Variants in NPSR1 observed in about 807,000 individuals in gnomAD.
NPSR1 encodes the protein neuropeptide S receptor.
In NPSR1, 48 loss-of-function variants were observed where a neutral mutation model predicts 46.9. That is an observed-to-expected ratio of 1.02 (90% CI 0.81 to 1.30). The LOEUF (loss-of-function observed/expected upper bound fraction) is 1.30, where lower values mean the gene tolerates loss of function less well. Ranked by LOEUF, NPSR1 falls within the 50% of genes most tolerant of loss-of-function variation. NPSR1 has a pLI of 0.00. For missense variants in NPSR1, 450 were observed against 449.5 expected, an observed-to-expected ratio of 1.00 and a Z score of -0.01; for synonymous variants, 176 against 168.1, an observed-to-expected ratio of 1.05 and a Z score of -0.36.
chr7:34,691,431 T>G (rs1793245950), intron 2 of NPSR1, among the ~76,000 whole-genome samples: 1 of 152,018 alleles, frequency 6.6e-6, no homozygotes, highest in Admixed American at 6.6e-5. Flanking sequence ...GAAAATTGGA[T>G]TAAAAAGAGA....
At chr7:34,695,952 G>T (rs1371493793) in intron 2 of NPSR1, among the ~76,000 whole-genome samples, 1 of 151,816 alleles carries the variant, frequency 6.6e-6, no homozygotes, top group Admixed American at 6.6e-5. Flanking sequence ...TCACTACTGA[G>T]TATCTACCCA....
At chr7:34,672,954 T>C (rs1792130403) in intron 1 of NPSR1, among the ~76,000 whole-genome samples, 1 of 152,220 alleles carries the variant, frequency 6.6e-6, no homozygotes, top group Non-Finnish European at 1.5e-5. Flanking sequence ...CTTTCTCTGC[T>C]GTTACTACCT....
intron 8 of NPSR1, among the ~76,000 whole-genome samples, chr7:34,867,566 C>A (rs1791340988): frequency 6.6e-6 from 1 of 151,898 alleles, no homozygotes; most frequent in African/African-American, 2.4e-5. Flanking sequence ...CATCCAAGTC[C>A]CCGTGACTCA....
At chr7:34,835,952 G>T (rs556572474) in intron 6 of NPSR1, among the ~76,000 whole-genome samples, 2 of 152,162 alleles carry the variant, frequency 1.3e-5, no homozygotes, top group African/African-American at 4.8e-5. Flanking sequence ...AGCTCTTCAG[G>T]CATTTTTAAT....
At chr7:34,689,721 T>C (rs1793148622) in intron 2 of NPSR1, among the ~76,000 whole-genome samples, 1 of 146,230 alleles carries the variant, frequency 6.8e-6, no homozygotes, top group African/African-American at 2.5e-5. Flanking sequence ...GGCCGGCAAA[T>C]CACTTGAGCT....
At chr7:34,779,125 T>C (rs887118092) in intron 3 of NPSR1, among the ~76,000 whole-genome samples, 3 of 152,110 alleles carry the variant, frequency 2.0e-5, no homozygotes, top group Non-Finnish European at 4.4e-5. Context: ...ATTAAAGATA[T>C]TGATGCTTCA....
chr7:34,716,335 GC>G (rs1424832471), intron 2 of NPSR1, among the ~76,000 whole-genome samples: 2 of 152,154 alleles, frequency 1.3e-5, no homozygotes, highest in Non-Finnish European at 2.9e-5. Context: ...TATACTTGGT[GC>G]CATGGAAAAA....
At chr7:34,761,558 A>AT (rs1020391736) in intron 2 of NPSR1, among the ~76,000 whole-genome samples, 4 of 152,020 alleles carry the variant, frequency 2.6e-5, no homozygotes, top group African/African-American at 9.7e-5. Context: ...AGAAACAAAT[A>AT]TTTTTTTGTT....
At chr7:34,788,662 A>G (rs948342801) in intron 3 of NPSR1, among the ~76,000 whole-genome samples, 1 of 152,142 alleles carries the variant, frequency 6.6e-6, no homozygotes, top group Non-Finnish European at 1.5e-5. Flanking sequence ...CTAAATATAT[A>G]AAGCAAATAT....
At chr7:34,796,609 T>A (rs1246603169) in intron 3 of NPSR1, among the ~76,000 whole-genome samples, 2 of 152,120 alleles carry the variant, frequency 1.3e-5, no homozygotes, top group Non-Finnish European at 2.9e-5. Context: ...TATTAGGGAA[T>A]TGCAAATTAA....
chr7:34,867,417 AAGGCTTG>A (rs1380198701), intron 8 of NPSR1, among the ~76,000 whole-genome samples: 1 of 151,840 alleles, frequency 6.6e-6, no homozygotes, highest in Non-Finnish European at 1.5e-5. Context: ...ATCTTCAGTA[AAGGCTTG>A]AGGCTATTTG....
At chr7:34,783,586 G>C (rs1787329149) in intron 3 of NPSR1, among the ~76,000 whole-genome samples, 1 of 152,020 alleles carries the variant, frequency 6.6e-6, no homozygotes, top group Non-Finnish European at 1.5e-5. Flanking sequence ...AAAAAATATA[G>C]ATTATTTAAA....
chr7:34,751,044 A>C lies in NPSR1; in HGVS notation c.281-27418A>C, dbSNP rs920033446. ...AGCAATTTGAGACTCAGGGTTGATG[A>C]GCAGCATGGCCATCTCACTCACCTG... On this transcript the variant is annotated intron_variant, in intron 2 of 8. Coordinates refer to ENST00000360581, the MANE Select transcript of NPSR1 (RefSeq NM_207172.2). The C allele has an allele frequency of 2.5e-4, 191 of 774,720 alleles. 1 individual carries two copies. Among genetic ancestry groups the C allele is most frequent in the Admixed American group, 6.9e-5 (4 of 58,334 alleles). The allele number at this position is 774,720 out of a possible 1,614,324, so 48.0% of individuals were successfully genotyped here.
chr7:34,751,941 T>A, intron 2 of NPSR1: 1 of 1,237,250 alleles, frequency 8.1e-7, no homozygotes, highest in Non-Finnish European at 1.2e-6. Flanking sequence ...CTGAGGCAAC[T>A]GGAAGTGGGG....
At chr7:34,764,249 C>T (rs376419693) in intron 2 of NPSR1, among the ~76,000 whole-genome samples, 94 of 152,192 alleles carry the variant, frequency 6.2e-4, no homozygotes, top group African/African-American at 2.2e-3. Flanking sequence ...TAAACAGCTG[C>T]TATTATTAAT....
intron 2 of NPSR1, chr7:34,750,290 G>A (rs1785453056): frequency 1.4e-6 from 1 of 692,838 alleles, no homozygotes; most frequent in East Asian, 2.8e-5. Context: ...GAGAATGGGG[G>A]TTATTTTCTT....
At chr7:34,846,562 C>G (rs1790747842) in intron 7 of NPSR1, among the ~76,000 whole-genome samples, 1 of 151,814 alleles carries the variant, frequency 6.6e-6, no homozygotes, top group Non-Finnish European at 1.5e-5. Flanking sequence ...AAAACATAAG[C>G]ACAGCTACAC....
intron 2 of NPSR1, among the ~76,000 whole-genome samples, chr7:34,743,691 G>T (rs891042115): frequency 2.0e-5 from 3 of 152,050 alleles, no homozygotes; most frequent in Non-Finnish European, 4.4e-5. Context: ...CTTTGTTGAA[G>T]ATTAGATCAT....
At chr7:34,724,719 A>T (rs1439810171) in intron 2 of NPSR1, among the ~76,000 whole-genome samples, 1 of 152,176 alleles carries the variant, frequency 6.6e-6, no homozygotes, top group South Asian at 2.1e-4. Flanking sequence ...TGACAGGTCA[A>T]TTCACTGGCT....
Sources: gnomAD v4.1 joint callset for allele counts (sites outside exome capture counted in the v4.1 genomes callset) on GRCh38, gnomAD v4.1.1 for gene constraint, MANE v1.5 for transcripts, NCBI Gene and HGNC (gene_info 2026-07-23, HGNC 2026-07-21) for gene names.